EML6: variants seen among roughly 807,000 people sequenced by gnomAD.
EML6 encodes EMAP like 6, also known as echinoderm microtubule-associated protein-like 6.
A neutral mutation model predicts 240.1 loss-of-function variants in EML6; 154 were observed. The observed-to-expected ratio is 0.64, with a 90% confidence interval of 0.56 to 0.73. EML6 has a LOEUF of 0.73. Among genes scored for constraint, EML6 ranks in the 30% least tolerant of loss-of-function variants. The pLI is 0.00. For synonymous variants in EML6, 1,148 were observed against 899.0 expected (o/e 1.28, Z -4.95); for missense variants, 2,964 against 2,474.6 (o/e 1.20, Z -4.20).
intron 6 of EML6, among the ~76,000 whole-genome samples, chr2:54,828,005 G>A (rs937602077): frequency 2.6e-5 from 4 of 152,170 alleles, no homozygotes; most frequent in Admixed American, 1.3e-4. Context: ...CAGAACACTA[G>A]AACTAGCTCA....
chr2:54,815,613 C>T (rs1305483855), intron 3 of EML6, among the ~76,000 whole-genome samples: 1 of 152,116 alleles, frequency 6.6e-6, no homozygotes, highest in Non-Finnish European at 1.5e-5. Context: ...AATAAAAATA[C>T]AACCACATCT....
In EML6 at chr2:54,850,160, T is replaced by G. The variant is rs895179919; in HGVS notation, c.1386T>G (p.Asp462Glu). The part of the protein sequence containing the change: ...SFITHIDWSL[D>E]SKYLQTNDGA... ...TCACGCATATTGACTGGTCCTTGGA[T>G]AGTAAATACTTACAAACTAATGACG... is the stretch of plus-strand genomic sequence containing the variant. The change falls in exon 10 of 42, where the codon GAT becomes GAG. Residue 462 changes from aspartate (D) to glutamate (E), a missense_variant. By Grantham distance (45) the Asp-to-Glu change is conservative. Transcript: ENST00000356458. 7.7e-6 allele frequency: 12 copies of G among 1,551,390 alleles called. No homozygotes were observed. The highest frequency in any genetic ancestry group is 7.0e-6 in the Non-Finnish European group (8 of 1,146,746).
At chr2:54,929,754 A>C (rs1674757988) in intron 28 of EML6, among the ~76,000 whole-genome samples, 1 of 152,108 alleles carries the variant, frequency 6.6e-6, no homozygotes, top group Non-Finnish European at 1.5e-5. Context: ...CAGATGTTAA[A>C]ATAAACTTGG....
chr2:54,731,689 A>G (rs1229757866), intron 2 of EML6, among the ~76,000 whole-genome samples: 1 of 152,172 alleles, frequency 6.6e-6, no homozygotes, highest in African/African-American at 2.4e-5. Flanking sequence ...CACTGCTTGA[A>G]AACATTGCGC....
chr2:54,801,263 C>G (rs941970268), intron 2 of EML6, among the ~76,000 whole-genome samples: 1 of 147,584 alleles, frequency 6.8e-6, no homozygotes, highest in Non-Finnish European at 1.5e-5. Context: ...TGCAGTGAGC[C>G]GAGATCTCAC....
chr2:54,949,352 C>A (rs958042196), intron 29 of EML6, among the ~76,000 whole-genome samples: 1 of 152,174 alleles, frequency 6.6e-6, no homozygotes, highest in Non-Finnish European at 1.5e-5. Context: ...GACTGTTTGC[C>A]GGGTGCCCTG....
intron 21 of EML6, 45 bp downstream of exon 21, chr2:54,895,445 G>A (rs773505989): frequency 1.9e-6 from 3 of 1,542,938 alleles, no homozygotes. Context: ...ATCAAGGCTG[G>A]GACTAGAGTG....
Position 54,968,610 on chromosome 2 carries a change from T to C in EML6, c.5752-58T>C, listed in dbSNP as rs984881583. 8 of 976,938 alleles carry C rather than the reference T, an allele frequency of 8.2e-6. No homozygotes were observed. In the African/African-American group the frequency reaches 1.3e-4, roughly 16 times the overall value. The allele number at this position is 976,938 out of a possible 1,614,324, so 60.5% of individuals were successfully genotyped here. ...GGGGATTTGAGTGCTGGAAGTAGTC[T>C]GTGGTTGCTGAGAGGAGCCAGGGTC... On this transcript the variant is annotated intron_variant, in intron 40 of 41. Coordinates refer to ENST00000356458, the MANE Select transcript of EML6 (RefSeq NM_001039753.4).
intron 2 of EML6, among the ~76,000 whole-genome samples, chr2:54,800,715 G>A (rs1172477992): frequency 2.6e-5 from 4 of 152,076 alleles, no homozygotes; most frequent in African/African-American, 9.7e-5. Context: ...CCACCATTCT[G>A]GATAGTAATT....
intron 28 of EML6, among the ~76,000 whole-genome samples, chr2:54,939,844 C>T (rs1675338462): frequency 6.6e-6 from 1 of 152,184 alleles, no homozygotes; most frequent in South Asian, 2.1e-4. Context: ...GGAAAGGAAC[C>T]ATTTCACTTC....
intron 2 of EML6, among the ~76,000 whole-genome samples, chr2:54,802,295 T>C (rs548098435): frequency 3.3e-5 from 5 of 151,740 alleles, no homozygotes; most frequent in Non-Finnish European, 7.4e-5. Flanking sequence ...GTAACTTACC[T>C]CGTACTTCTA....
intron 16 of EML6, among the ~76,000 whole-genome samples, chr2:54,873,333 A>G (rs1291372310): frequency 6.6e-6 from 1 of 152,202 alleles, no homozygotes; most frequent in East Asian, 1.9e-4. Context: ...AACAGTTTAT[A>G]CTCTACACTG....
intron 7 of EML6, among the ~76,000 whole-genome samples, chr2:54,842,197 C>T (rs764506646): frequency 1.3e-5 from 2 of 152,200 alleles, no homozygotes; most frequent in Non-Finnish European, 2.9e-5. Context: ...GATAGTTTCA[C>T]TGCCCTAAAA....
At chr2:54,845,005 A>G (rs1669672449) in intron 8 of EML6, among the ~76,000 whole-genome samples, 1 of 152,224 alleles carries the variant, frequency 6.6e-6, no homozygotes, top group Non-Finnish European at 1.5e-5. Context: ...AGAGTGTGAG[A>G]GGAACAGACT....
chr2:54,807,170 C>T (rs1052583949), intron 2 of EML6, among the ~76,000 whole-genome samples: 4 of 152,000 alleles, frequency 2.6e-5, no homozygotes, highest in African/African-American at 4.8e-5. Context: ...GCAGTTTAAG[C>T]ATGACTTGAC....
chr2:54,849,676 G>T (rs1042055473), intron 9 of EML6, among the ~76,000 whole-genome samples: 45 of 152,322 alleles, frequency 3.0e-4, no homozygotes, highest in African/African-American at 9.4e-4. Flanking sequence ...TTTTCATAGA[G>T]ATAGGGTTTC....
intron 25 of EML6, among the ~76,000 whole-genome samples, chr2:54,915,381 G>A (rs1573133770): frequency 6.6e-6 from 1 of 152,210 alleles, no homozygotes; most frequent in East Asian, 1.9e-4. Context: ...ATTTGGAAGG[G>A]AGTCAATGGC....
intron 16 of EML6, among the ~76,000 whole-genome samples, chr2:54,878,827 C>T (rs188437882): frequency 3.9e-5 from 6 of 152,056 alleles, no homozygotes; most frequent in Non-Finnish European, 5.9e-5. Context: ...ATAAGATAAC[C>T]TGTTCATTAT....
At chr2:54,900,426 T>TG (rs1309166819) in intron 22 of EML6, among the ~76,000 whole-genome samples, 4 of 152,096 alleles carry the variant, frequency 2.6e-5, no homozygotes, top group African/African-American at 9.7e-5. Context: ...TATAAAGGGA[T>TG]GGGGAAGGTA....
Sources: allele counts gnomAD v4.1 joint callset (sites outside exome capture counted in the v4.1 genomes callset), GRCh38; gene constraint gnomAD v4.1.1; transcripts MANE v1.5; gene names NCBI Gene and HGNC (gene_info 2026-07-23, HGNC 2026-07-21).